ACOT7: variants seen among roughly 807,000 people sequenced by gnomAD.
ACOT7 encodes acyl-CoA thioesterase 7, also known as cytosolic acyl coenzyme A thioester hydrolase.
ACOT7 carries 12 observed loss-of-function variants against 40.2 expected under a neutral mutation model. That is an observed-to-expected ratio of 0.30 (90% CI 0.19 to 0.48). ACOT7 has a LOEUF of 0.48. ACOT7 is among the 20% of genes least tolerant of loss of function. ACOT7 has a pLI of 0.99. For synonymous variants in ACOT7, 228 were observed against 219.5 expected, an observed-to-expected ratio of 1.04 and a Z score of -0.34; for missense variants, 395 against 530.8, an observed-to-expected ratio of 0.74 and a Z score of 2.51.
At chr1:6,385,842 G>A (rs1220561268) in intron 1 of ACOT7, 13 of 1,411,180 alleles carry the variant, frequency 9.2e-6, no homozygotes, top group East Asian at 5.2e-5. Context: ...CCGGCAAGCC[G>A]CCTCCTCGGC....
intron 1 of ACOT7, among the ~76,000 whole-genome samples, chr1:6,381,390 AC>A (rs1199323413): frequency 6.6e-6 from 1 of 151,902 alleles, no homozygotes; most frequent in East Asian, 1.9e-4. Flanking sequence ...AGACATTTCT[AC>A]AAAGAAAAAA....
At position 6,275,712 on chromosome 1, in the gene ACOT7, G is replaced by C. The variant is rs1416313779; in HGVS notation, c.1014+5390C>G. On this transcript the variant is annotated intron_variant, in intron 8 of 8. Coordinates refer to ENST00000361521, the MANE Select transcript of ACOT7 (RefSeq NM_007274.4). The surrounding 1 kb of genome is among the most constrained non-coding windows in gnomAD (Gnocchi z 5.6). ...AGGTTGGGCGACAGAGTGAGGCTCCGTCTCAAAAAAAAAAAAAAAAAAAAA... is the reference window on the plus strand; with the variant it reads ...AGGTTGGGCGACAGAGTGAGGCTCCCTCTCAAAAAAAAAAAAAAAAAAAAA... Among the ~76,000 whole-genome samples the C allele has an allele frequency of 9.3e-6, 1 of 107,766 alleles. No individual in the cohort carries two copies. The highest frequency in any genetic ancestry group is 1.1e-4 in the Admixed American group (1 of 8,706). 70.7% of individuals were successfully genotyped at this position (107,766 alleles called of 152,430 possible). A position where few individuals can be genotyped will look rare whatever the true frequency, so the allele number is the denominator to read the frequency against.
chr1:6,387,169 A>C (rs1032437846), intron 1 of ACOT7, among the ~76,000 whole-genome samples: 1 of 152,198 alleles, frequency 6.6e-6, no homozygotes, highest in African/African-American at 2.4e-5. Context: ...TCTTTTTGCC[A>C]GGGGCCAACA....
intron 8 of ACOT7, among the ~76,000 whole-genome samples, chr1:6,267,025 C>G (rs1421940992): frequency 6.6e-6 from 1 of 152,202 alleles, no homozygotes; most frequent in East Asian, 1.9e-4. Flanking sequence ...CGGCTCGGGT[C>G]CTCCCTCTAG....
At chr1:6,293,502 A>G (rs934537477) in intron 7 of ACOT7, among the ~76,000 whole-genome samples, 5 of 152,176 alleles carry the variant, frequency 3.3e-5, no homozygotes, top group African/African-American at 1.2e-4. Flanking sequence ...TTGGTCAAGA[A>G]AAGATTCTGA....
chr1:6,362,236 G>A (rs1018222570), intron 1 of ACOT7, among the ~76,000 whole-genome samples: 6 of 151,960 alleles, frequency 3.9e-5, no homozygotes, highest in African/African-American at 1.5e-4. Context: ...TCTGAGACCA[G>A]CCTGGCCAAC....
chr1:6,353,161 C>A (rs891355926), intron 1 of ACOT7, among the ~76,000 whole-genome samples: 1 of 151,928 alleles, frequency 6.6e-6, no homozygotes, highest in African/African-American at 2.4e-5. Context: ...CGCACCCGGC[C>A]CCTCTTTACT....
rs1034925820 is a variant in ACOT7 at position 6,330,841 on chromosome 1, C to T, written c.510+2636G>A. On this transcript the variant is annotated intron_variant, in intron 4 of 8. Transcript: ENST00000361521. This position sits in a 1 kb window ranked among gnomAD's most constrained non-coding sequence, Gnocchi z 4.6. ...TCCAGGCCCGCCCCTCGGTATCACC[C>T]GCCTGAGATGCACCATCAGATGCTG... Among the ~76,000 whole-genome samples the T allele has an allele frequency of 1.3e-5, 2 of 152,168 alleles. No individual in the cohort carries two copies. Among genetic ancestry groups the T allele is most frequent in the East Asian group, 1.9e-4 (1 of 5,196 alleles).
At chr1:6,320,059 T>C (rs527798799) in intron 5 of ACOT7, among the ~76,000 whole-genome samples, 3 of 152,366 alleles carry the variant, frequency 2.0e-5, no homozygotes, top group South Asian at 4.1e-4. Context: ...GGAGTTGGAC[T>C]GCCTGGGTTT....
At position 6,301,724 on chromosome 1, in the gene ACOT7, G is replaced by A. The variant is rs1639978586; in HGVS notation, c.713-6744C>T. Among the ~76,000 whole-genome samples, 1 of 152,210 alleles carries A rather than the reference G, an allele frequency of 6.6e-6. No individual in the cohort carries two copies. The highest frequency in any genetic ancestry group is 2.4e-5 in the African/African-American group (1 of 41,456). ...ATGTGGCTCCTTCAGGCAACAATTTGCGTCAAGAATTAGTCACAGATGAGG... is the reference window on the plus strand; with the variant it reads ...ATGTGGCTCCTTCAGGCAACAATTTACGTCAAGAATTAGTCACAGATGAGG... On this transcript the variant is annotated intron_variant, in intron 6 of 8. Coordinates refer to ENST00000361521, the MANE Select transcript of ACOT7 (RefSeq NM_007274.4). This position sits in a 1 kb window ranked among gnomAD's most constrained non-coding sequence, Gnocchi z 4.1.
At chr1:6,392,181 G>A (rs1358661962) in intron 1 of ACOT7, among the ~76,000 whole-genome samples, 1 of 152,190 alleles carries the variant, frequency 6.6e-6, no homozygotes, top group East Asian at 1.9e-4. Context: ...AACATCTACA[G>A]GAAAGTAACT....
At chr1:6,375,855 A>G (rs1460226734) in intron 1 of ACOT7, among the ~76,000 whole-genome samples, 2 of 151,740 alleles carry the variant, frequency 1.3e-5, no homozygotes, top group South Asian at 4.2e-4. Flanking sequence ...GAAGAATGGC[A>G]TGAACCCGGG....
chr1:6,265,767 C>T (rs1049850301), intron 8 of ACOT7, among the ~76,000 whole-genome samples: 2 of 152,214 alleles, frequency 1.3e-5, no homozygotes, highest in African/African-American at 4.8e-5. Flanking sequence ...GACATTTCAT[C>T]GCAACATTTT....
Position 6,281,105 on chromosome 1 carries a change from C to T in ACOT7, c.1011G>A (p.Leu337=), listed in dbSNP as rs770096327. 32 of 1,613,208 alleles carry T rather than the reference C, an allele frequency of 2.0e-5. No homozygotes were observed. The highest frequency in any genetic ancestry group is 1.7e-4 in the Middle Eastern group (1 of 6,058). The change falls in exon 8 of 9, where the codon CTG becomes CTA. Residue 337 remains leucine, a synonymous_variant. Coordinates refer to ENST00000361521, the MANE Select transcript of ACOT7 (RefSeq NM_007274.4). ...CGTTCCAAGGATGCGCACTCACCAC[C>T]AGCTGGGGCACAGGCAGCGACCTGC... ...QEGRSLPVPQ[L]VPETEDEKKR... is the part of the protein sequence containing the mutation.
rs1200639766 is a variant in ACOT7, at chr1:6,289,143, C to T, written c.829+5721G>A. Among the ~76,000 whole-genome samples the T allele has an allele frequency of 1.3e-5, 2 of 152,080 alleles. No homozygotes were observed. Among genetic ancestry groups the T allele is most frequent in the Non-Finnish European group, 2.9e-5 (2 of 68,022 alleles). On this transcript the variant is annotated intron_variant, in intron 7 of 8. Transcript: ENST00000361521. This position sits in a 1 kb window ranked among gnomAD's most constrained non-coding sequence, Gnocchi z 4.6. ...GAGACGGAGTCTCGCTCTGTCGCCC[C>T]GGCTGGAGTGCAGTGACACGATCTC...
intron 1 of ACOT7, among the ~76,000 whole-genome samples, chr1:6,392,596 C>T (rs1338193641): frequency 6.6e-6 from 1 of 152,214 alleles, no homozygotes; most frequent in Non-Finnish European, 1.5e-5. Flanking sequence ...GTGTAAGATG[C>T]TTTCAGGCCC....
intron 8 of ACOT7, among the ~76,000 whole-genome samples, chr1:6,272,984 A>T (rs1437110615): frequency 6.6e-6 from 1 of 152,206 alleles, no homozygotes; most frequent in Non-Finnish European, 1.5e-5. Flanking sequence ...CCAAGGCTCC[A>T]TCCCACACTC....
chr1:6,392,541 GGAA>G (rs1169521841), intron 1 of ACOT7, among the ~76,000 whole-genome samples: 1 of 152,208 alleles, frequency 6.6e-6, no homozygotes, highest in African/African-American at 2.4e-5. Context: ...AGTACCTGGT[GGAA>G]GAAGAGGGGG....
At chr1:6,284,229 G>C (rs1381048788) in intron 7 of ACOT7, among the ~76,000 whole-genome samples, 2 of 152,204 alleles carry the variant, frequency 1.3e-5, no homozygotes, top group South Asian at 4.2e-4. Flanking sequence ...GGGACCTCGG[G>C]GGGACCAGCT....
Sources: gnomAD v4.1 joint callset for allele counts (sites outside exome capture counted in the v4.1 genomes callset) on GRCh38, gnomAD v4.1.1 for gene constraint, Gnocchi (gnomAD v3.1) non-coding constraint, MANE v1.5 for transcripts, NCBI Gene and HGNC (gene_info 2026-07-23, HGNC 2026-07-21) for gene names.